Variants in ZDHHC5 observed in about 807,000 individuals in gnomAD.
ZDHHC5 encodes the protein palmitoyltransferase ZDHHC5.
In ZDHHC5, 22 loss-of-function variants were observed where a neutral mutation model predicts 70.0. The observed-to-expected ratio is 0.31, with a 90% CI of 0.22 to 0.45. ZDHHC5 has a LOEUF of 0.45. Among genes scored for constraint, ZDHHC5 ranks in the 20% least tolerant of loss-of-function variants. ZDHHC5 has a pLI of 1.00. For synonymous variants in ZDHHC5, 313 were observed against 347.8 expected, an observed-to-expected ratio of 0.90 and a Z score of 1.11; for missense variants, 746 against 926.9, an observed-to-expected ratio of 0.80 and a Z score of 2.53.
chr11:57,686,434 G>A (rs1346238937), intron 3 of ZDHHC5, among the ~76,000 whole-genome samples: 2 of 151,830 alleles, frequency 1.3e-5, no homozygotes, highest in African/African-American at 2.4e-5. Flanking sequence ...TTCTACCTCA[G>A]CCTCCCGAGT....
chr11:57,681,472 C>CT (rs1402898158), intron 2 of ZDHHC5: 2 of 152,176 alleles, frequency 1.3e-5, no homozygotes, highest in Non-Finnish European at 2.9e-5. Flanking sequence ...TCTCCCTGAG[C>CT]TGAGACGAGA....
chr11:57,699,732 A>T, intron 11 of ZDHHC5, 134 bp from the exon 12 acceptor site: 3 of 1,216,332 alleles, frequency 2.5e-6, no homozygotes, highest in Non-Finnish European at 3.5e-6. Flanking sequence ...AGGGCAATAA[A>T]GGGGAATGTT....
rs1281379428 is a variant in ZDHHC5, at chr11:57,693,820, A to G, written c.790A>G (p.Ile264Val). 4 of 1,592,510 alleles carry G rather than the reference A, an allele frequency of 2.5e-6. No individual in the cohort carries two copies. Among genetic ancestry groups the G allele is most frequent in the Middle Eastern group, 1.7e-4 (1 of 6,048 alleles). The stretch of plus-strand genomic sequence containing the variant: ...ACCAAAGAAAGAGAAGACAATTGTA[A>G]TCAGACCTCCCTTCCTTCGACCAGA... ...GRPKKEKTIV[I>V]RPPFLRPEVS... Residue 264 changes from isoleucine (I) to valine (V), a missense_variant, in exon 8 of 12, where the codon ATC becomes GTC. By Grantham distance (29) the Ile-to-Val change is conservative. Coordinates refer to ENST00000287169, the MANE Select transcript of ZDHHC5 (RefSeq NM_015457.3).
rs1946024591 is a variant in ZDHHC5, at chr11:57,672,918, A to G, written c.-173A>G. ...TCCCATGTGCTTTCCTTCATTTGAG[A>G]TCTTTTGACCTTTGGCTTTATTTGG... On this transcript the variant is annotated 5_prime_UTR_variant, in exon 2 of 12. Transcript: ENST00000287169. The G allele has an allele frequency of 7.0e-6, 4 of 569,064 alleles. No homozygotes were observed. Among genetic ancestry groups the G allele is most frequent in the Non-Finnish European group, 1.2e-5 (4 of 320,478 alleles). 35.3% of individuals were successfully genotyped at this position (569,064 alleles called of 1,614,324 possible).
Position 57,700,094 on chromosome 11 carries a change from C to G in ZDHHC5, c.*63C>G. ...ACACCAAAGGGCCCCAGGTGGCCAC[C>G]TTCCTTCCCTCAAGGGGCTCCCCTC... On this transcript the variant is annotated 3_prime_UTR_variant, in exon 12 of 12. Coordinates refer to ENST00000287169, the MANE Select transcript of ZDHHC5 (RefSeq NM_015457.3). The G allele has an allele frequency of 1.3e-6, 2 of 1,505,260 alleles. No homozygotes were observed. Among genetic ancestry groups the G allele is most frequent in the South Asian group, 2.7e-5 (2 of 73,406 alleles). 93.2% of individuals were successfully genotyped at this position (1,505,260 alleles called of 1,614,324 possible). A position where few individuals can be genotyped will look rare whatever the true frequency, so the allele number is the denominator to read the frequency against.
chr11:57,677,181 A>C (rs1439246916), intron 2 of ZDHHC5, among the ~76,000 whole-genome samples: 1 of 147,404 alleles, frequency 6.8e-6, no homozygotes, highest in African/African-American at 2.5e-5. Flanking sequence ...TCAGCCTCCC[A>C]AAGTGCTGGG....
At chr11:57,680,203 G>A (rs1946131666) in intron 2 of ZDHHC5, among the ~76,000 whole-genome samples, 1 of 152,004 alleles carries the variant, frequency 6.6e-6, no homozygotes, top group Admixed American at 6.6e-5. Context: ...TGGGCAACAT[G>A]GTGAAACCCT....
At chr11:57,698,446 G>A in intron 10 of ZDHHC5, 113 bp from the exon 11 acceptor site, 1 of 1,407,606 alleles carries the variant, frequency 7.1e-7, no homozygotes, top group Non-Finnish European at 9.6e-7. Context: ...GCATGTAAGA[G>A]TTCTAAGCTT....
In ZDHHC5 at chr11:57,700,821, A is replaced by G. The variant is rs1946433296; in HGVS notation, c.*790A>G. On this transcript the variant is annotated 3_prime_UTR_variant, in exon 12 of 12. Transcript: ENST00000287169. ...TGGCCTAGCTCAAACAATATTGGAT[A>G]ATCCCCTCCTTGGGGGAGAGGGATT... 6.6e-6 allele frequency: 1 copy of G among 152,668 alleles called. No homozygotes were observed. The highest frequency in any genetic ancestry group is 2.1e-4 in the South Asian group (1 of 4,832). 9.5% of individuals were successfully genotyped at this position (152,668 alleles called of 1,614,324 possible).
intron 7 of ZDHHC5, among the ~76,000 whole-genome samples, chr11:57,693,383 A>G (rs1946309988): frequency 6.6e-6 from 1 of 152,180 alleles, no homozygotes; most frequent in Non-Finnish European, 1.5e-5. Flanking sequence ...GATAATGCTC[A>G]CTGGCCCACT....
intron 8 of ZDHHC5, among the ~76,000 whole-genome samples, chr11:57,694,516 C>A (rs1946325302): frequency 6.6e-6 from 1 of 152,048 alleles, no homozygotes; most frequent in African/African-American, 2.4e-5. Context: ...CATGCGCCAC[C>A]ACGCCTGGCT....
intron 2 of ZDHHC5, 25 bp from the exon 3 acceptor site, chr11:57,682,397 C>G (rs757016461): frequency 6.3e-7 from 1 of 1,592,978 alleles, no homozygotes; most frequent in East Asian, 2.3e-5. Flanking sequence ...GAGGCAACCC[C>G]TCATTTTCTT....
chr11:57,685,974 C>T (rs1456108751), intron 3 of ZDHHC5, among the ~76,000 whole-genome samples: 1 of 152,240 alleles, frequency 6.6e-6, no homozygotes, highest in African/African-American at 2.4e-5. Context: ...TTACTGTGAG[C>T]TGAGATTGCG....
intron 1 of ZDHHC5, among the ~76,000 whole-genome samples, chr11:57,671,311 A>G (rs1199152245): frequency 3.9e-5 from 6 of 152,230 alleles, no homozygotes. Context: ...ATCAACAGAA[A>G]TAATTGTTAC....
intron 8 of ZDHHC5, among the ~76,000 whole-genome samples, chr11:57,694,666 A>C (rs779449600): frequency 2.6e-5 from 4 of 152,208 alleles, no homozygotes; most frequent in African/African-American, 4.8e-5. Flanking sequence ...CCGGCCCTAC[A>C]TTAGACTTTA....
At chr11:57,690,287 G>C in intron 5 of ZDHHC5, 48 bp from the exon 6 acceptor site, 1 of 1,613,700 alleles carries the variant, frequency 6.2e-7, no homozygotes, top group South Asian at 1.1e-5. Context: ...TAGGGGCCGG[G>C]GAAAGTGAGG....
At chr11:57,680,713 TCA>T (rs926256708) in intron 2 of ZDHHC5, among the ~76,000 whole-genome samples, 6 of 152,260 alleles carry the variant, frequency 3.9e-5, no homozygotes, top group African/African-American at 1.4e-4. Context: ...TGACTGGTTT[TCA>T]GTTTCTCTCC....
Position 57,700,541 on chromosome 11 carries a change from G to C in ZDHHC5, c.*510G>C, listed in dbSNP as rs1946429767. 1 of 152,430 alleles carries C rather than the reference G, an allele frequency of 6.6e-6. No homozygotes were observed. Among genetic ancestry groups the C allele is most frequent in the Admixed American group, 6.6e-5 (1 of 15,234 alleles). The allele number at this position is 152,430 out of a possible 1,614,324, so 9.4% of individuals were successfully genotyped here. A position where few individuals can be genotyped will look rare whatever the true frequency, so the allele number is the denominator to read the frequency against. The stretch of plus-strand genomic sequence containing the variant: ...CCCATTCCTCAGACCAGCAGGAAAA[G>C]AGGGGAGACGTCAGTCTTTTTCCTG... On this transcript the variant is annotated 3_prime_UTR_variant, in exon 12 of 12. Coordinates refer to ENST00000287169, the MANE Select transcript of ZDHHC5 (RefSeq NM_015457.3).
chr11:57,701,082 C>T lies in ZDHHC5; in HGVS notation c.*1051C>T, dbSNP rs1946437428. 6.6e-6 allele frequency: 1 copy of T among 152,614 alleles called. No homozygotes were observed. Among genetic ancestry groups the T allele is most frequent in the South Asian group, 2.1e-4 (1 of 4,834 alleles). 9.5% of individuals were successfully genotyped at this position (152,614 alleles called of 1,614,324 possible). ...AGAGGGGATACCTGGGTTCTAACCT[C>T]TAAATAGGGGAGATCCCAGCCTCCA... On this transcript the variant is annotated 3_prime_UTR_variant, in exon 12 of 12. Coordinates refer to ENST00000287169, the MANE Select transcript of ZDHHC5 (RefSeq NM_015457.3).
Sources: gnomAD v4.1 joint callset for allele counts (sites outside exome capture counted in the v4.1 genomes callset) on GRCh38, gnomAD v4.1.1 for gene constraint, MANE v1.5 for transcripts, NCBI Gene and HGNC (gene_info 2026-07-23, HGNC 2026-07-21) for gene names.